The following ATAD3B variants were observed in gnomAD, a reference collection of about 807,000 sequenced individuals.
ATAD3B encodes ATPase family AAA domain containing 3B.
Under a neutral mutation model 70.2 loss-of-function variants are expected in ATAD3B, and 59 were observed. The ratio of observed to expected loss-of-function variants is 0.84; its 90% CI spans 0.68 to 1.04. The LOEUF is 1.04. Ranked by LOEUF, ATAD3B falls within the 50% of genes least tolerant of loss-of-function variation. The pLI is 0.00. For synonymous variants in ATAD3B, 423 were observed against 388.6 expected (o/e 1.09, Z -1.04); for missense variants, 961 against 913.4 (o/e 1.05, Z -0.67).
At chr1:1,487,999 A>T in intron 12 of ATAD3B, 85 bp downstream of exon 12, 2 of 1,572,890 alleles carry the variant, frequency 1.3e-6, no homozygotes, top group Non-Finnish European at 8.7e-7. Context: ...GCAGCCCTTA[A>T]GCTGGCTTGC....
At chr1:1,489,849 C>T (rs1471807451) in intron 13 of ATAD3B, 1 of 1,227,922 alleles carries the variant, frequency 8.1e-7, no homozygotes, top group Non-Finnish European at 1.0e-6. Context: ...CCCTGCTGAG[C>T]CTCTGCTGAA....
chr1:1,479,878 CCA>C (rs1324087666), intron 4 of ATAD3B, among the ~76,000 whole-genome samples: 1 of 143,542 alleles, frequency 7.0e-6, no homozygotes, highest in African/African-American at 2.6e-5. Context: ...ACACACACCC[CCA>C]CACGGGCATG....
At position 1,488,005 on chromosome 1, in the gene ATAD3B, C is replaced by T. The variant is rs572806117; in HGVS notation, c.1266+91C>T. The T allele has an allele frequency of 1.3e-4, 201 of 1,547,642 alleles. 7 individuals are homozygous for T. The Admixed American group carries it at 3.3e-3, about 26-fold the overall frequency. On this transcript the variant is annotated intron_variant, in intron 12 of 15. Transcript: ENST00000673477. ...GGCCAGGCTGCAGCCCTTAAGCTGG[C>T]TTGCAGTGGCGCAATCTTGGCTCGC...
At position 1,486,327 on chromosome 1, in the gene ATAD3B, A is replaced by AC. The variant is rs747346979; in HGVS notation, c.1089+98dup. ...GGGGCCTCAGCCGCCTGGGGAATGG[A>AC]CCCCCCTTAGGCCTTTGCCTACCCT... On this transcript the variant is annotated intron_variant, in intron 10 of 15. Coordinates refer to ENST00000673477, the MANE Select transcript of ATAD3B (RefSeq NM_031921.6). The AC allele has an allele frequency of 4.7e-5, 75 of 1,603,300 alleles. 2 individuals carry two copies. Among genetic ancestry groups the AC allele is most frequent in the East Asian group, 1.3e-4 (6 of 44,750 alleles).
intron 4 of ATAD3B, among the ~76,000 whole-genome samples, chr1:1,479,398 A>G (rs545964143): frequency 7.1e-6 from 1 of 140,546 alleles, no homozygotes; most frequent in Non-Finnish European, 1.5e-5. Context: ...ACACATGGGC[A>G]CACACACACC....
chr1:1,501,332 G>A (rs1475992208), downstream of ATAD3B, among the ~76,000 whole-genome samples: 1 of 151,662 alleles, frequency 6.6e-6, no homozygotes, highest in African/African-American at 2.4e-5. Flanking sequence ...TCGGCTCACT[G>A]CAAGCTCTGC....
At position 1,497,290 on chromosome 1, in the gene ATAD3B, G is replaced by C. The variant is rs1011750863; in HGVS notation, c.*1473G>C. 3 of 148,696 alleles carry C rather than the reference G, an allele frequency of 2.0e-5. No individual in the cohort carries two copies. The highest frequency in any genetic ancestry group is 6.7e-5 in the Admixed American group (1 of 14,852). The allele number at this position is 148,696 out of a possible 1,614,324, so 9.2% of individuals were successfully genotyped here. On this transcript the variant is annotated 3_prime_UTR_variant, in exon 16 of 16. Coordinates refer to ENST00000673477, the MANE Select transcript of ATAD3B (RefSeq NM_031921.6). ...AGTGGTGTGATTATAGCTCACTGCA[G>C]CCTCGACCTCCCAGGCTCAAGTGAT... is the stretch of plus-strand genomic sequence containing the variant.
intron 4 of ATAD3B, among the ~76,000 whole-genome samples, chr1:1,480,522 A>G (rs1474505787): frequency 6.8e-6 from 1 of 147,348 alleles, no homozygotes; most frequent in African/African-American, 2.5e-5. Context: ...TGTTGTGGGC[A>G]TTGTAGCTTT....
chr1:1,482,003 C>G, intron 5 of ATAD3B, 135 bp from the exon 6 acceptor site: 1 of 1,409,214 alleles, frequency 7.1e-7, no homozygotes, highest in Non-Finnish European at 9.5e-7. Flanking sequence ...TGGGCCGGTC[C>G]GTGGCATGGG....
downstream of ATAD3B, among the ~76,000 whole-genome samples, chr1:1,499,571 T>C (rs1367842526): frequency 6.8e-6 from 1 of 147,780 alleles, no homozygotes; most frequent in East Asian, 2.0e-4. Flanking sequence ...CTGGTGGGGT[T>C]GGTTCCAAAC....
chr1:1,476,880 C>T (rs1015806570), intron 1 of ATAD3B, among the ~76,000 whole-genome samples: 7 of 151,846 alleles, frequency 4.6e-5, no homozygotes, highest in Admixed American at 2.0e-4. Flanking sequence ...GATCTCGGCT[C>T]GCTGCAAGCT....
chr1:1,475,318 G>T (rs1267729777), intron 1 of ATAD3B, among the ~76,000 whole-genome samples: 1 of 151,342 alleles, frequency 6.6e-6, no homozygotes, highest in Non-Finnish European at 1.5e-5. Context: ...CTGCTGGCGG[G>T]TGAGAGAGGT....
Position 1,496,108 on chromosome 1 carries a change from G to A in ATAD3B, c.*291G>A. ...CCATGGCCAGGGGCCACGGAACCCG[G>A]CAGGGGTGTCTGAGGCCGCCCTGTC... On this transcript the variant is annotated 3_prime_UTR_variant, in exon 16 of 16. Coordinates refer to ENST00000673477, the MANE Select transcript of ATAD3B (RefSeq NM_031921.6). The A allele has an allele frequency of 8.5e-7, 1 of 1,174,458 alleles. No homozygotes were observed. Among genetic ancestry groups the A allele is most frequent in the African/African-American group, 1.6e-5 (1 of 64,236 alleles). 72.8% of individuals were successfully genotyped at this position (1,174,458 alleles called of 1,614,324 possible).
chr1:1,491,665 C>T (rs1640546307), intron 15 of ATAD3B, among the ~76,000 whole-genome samples: 1 of 151,966 alleles, frequency 6.6e-6, no homozygotes, highest in Non-Finnish European at 1.5e-5. Flanking sequence ...CCTGGTCACT[C>T]GATCTAGCAG....
chr1:1,505,953 C>A, the ATAD3B span, among the ~76,000 whole-genome samples: 1 of 152,162 alleles, frequency 6.6e-6, no homozygotes, highest in African/African-American at 2.4e-5. Flanking sequence ...GGCTTGCCAC[C>A]CACACACAGT....
Position 1,485,014 on chromosome 1 carries a change from A to G in ATAD3B, c.751-2A>G, listed in dbSNP as rs1168792443. 1.9e-6 allele frequency: 3 copies of G among 1,601,242 alleles called. No homozygotes were observed. Among genetic ancestry groups the G allele is most frequent in the Non-Finnish European group, 2.6e-6 (3 of 1,175,106 alleles). On this transcript the variant is annotated splice_acceptor_variant, in intron 7 of 15. Coordinates refer to ENST00000673477, the MANE Select transcript of ATAD3B (RefSeq NM_031921.6). LOFTEE classifies it high-confidence loss of function. Reference sequence around the variant, plus strand: ...TGCGCCAGTGCGGTGTCTCTGCTGCAGGTGGCTGGGCTGACGCTGCTGGCT... The same window carrying G: ...TGCGCCAGTGCGGTGTCTCTGCTGCGGGTGGCTGGGCTGACGCTGCTGGCT...
Position 1,486,666 on chromosome 1 carries a change from C to T in ATAD3B, c.1212C>T (p.Arg404=), listed in dbSNP as rs368162702. Residue 404 remains arginine (R), a splice_region_variant and synonymous_variant, in exon 11 of 16, where the codon CGC becomes CGT. Transcript: ENST00000673477. ...KLFDWANTSR[R]GLLLFMDEAD... ...TTGACTGGGCCAATACCAGCCGGCG[C>T]GGGTGAGACGTCCCCACAGCATGCA... The T allele has an allele frequency of 1.9e-4, 308 of 1,597,120 alleles. No individual in the cohort carries two copies. The highest frequency in any genetic ancestry group is 2.3e-4 in the Non-Finnish European group (268 of 1,170,932).
chr1:1,487,988 T>C lies in ATAD3B; in HGVS notation c.1266+74T>C, dbSNP rs1477462875. 18 of 1,586,974 alleles carry C rather than the reference T, an allele frequency of 1.1e-5. 1 individual carries two copies. The highest frequency in any genetic ancestry group is 6.7e-5 in the Admixed American group (4 of 59,854). On this transcript the variant is annotated intron_variant, in intron 12 of 15. Transcript: ENST00000673477. Reference sequence around the variant, plus strand: ...GCGCGGCTGTCATCCTGGGCCAGGCTGCAGCCCTTAAGCTGGCTTGCAGTG... The same window carrying C: ...GCGCGGCTGTCATCCTGGGCCAGGCCGCAGCCCTTAAGCTGGCTTGCAGTG...
At chr1:1,472,340 G>A (rs1277760867) in intron 1 of ATAD3B, among the ~76,000 whole-genome samples, 1 of 151,946 alleles carries the variant, frequency 6.6e-6, no homozygotes, top group Non-Finnish European at 1.5e-5. Flanking sequence ...GCGCTCATAG[G>A]TTACAGGGGT....
Sources: allele counts gnomAD v4.1 joint callset (sites outside exome capture counted in the v4.1 genomes callset), GRCh38; gene constraint gnomAD v4.1.1; transcripts MANE v1.5; gene names NCBI Gene and HGNC (gene_info 2026-07-23, HGNC 2026-07-21).